SLC39A13: variants seen among roughly 807,000 people sequenced by gnomAD.
SLC39A13 encodes the protein zinc transporter ZIP13.
Under a neutral mutation model 38.7 loss-of-function variants are expected in SLC39A13, and 18 were observed. The observed-to-expected ratio is 0.47, with a 90% CI of 0.32 to 0.69. SLC39A13 has a LOEUF of 0.69. Ranked by LOEUF, SLC39A13 falls within the 30% of genes least tolerant of loss-of-function variation. The pLI, the probability that SLC39A13 is intolerant of heterozygous loss-of-function variation, is 0.03. For synonymous variants in SLC39A13, 212 were observed against 219.1 expected, an observed-to-expected ratio of 0.97 and a Z score of 0.29; for missense variants, 395 against 490.7, an observed-to-expected ratio of 0.80 and a Z score of 1.84.
In SLC39A13 at chr11:47,410,129, C is replaced by G; in HGVS notation, c.35C>G (p.Ala12Gly). Residue 12 changes from alanine (A) to glycine (G), a missense_variant, in exon 2 of 10, where the codon GCG becomes GGG. Physicochemically the swap from Ala to Gly is moderately conservative, Grantham distance 60. Coordinates refer to ENST00000362021, the MANE Select transcript of SLC39A13 (RefSeq NM_001128225.3). ...PGCPCPGCGM[A>G]GPRLLFLTAL... is the part of the protein sequence containing the mutation. ...TGTCCCTGCCCTGGCTGTGGCATGG[C>G]GGGCCCAAGGCTCCTCTTCCTCACT... 1 of 1,613,134 alleles carries G rather than the reference C, an allele frequency of 6.2e-7. No homozygotes were observed. The highest frequency in any genetic ancestry group is 8.5e-7 in the Non-Finnish European group (1 of 1,179,982).
intron 2 of SLC39A13, among the ~76,000 whole-genome samples, chr11:47,410,846 G>A (rs2095995608): frequency 6.6e-6 from 1 of 152,208 alleles, no homozygotes; most frequent in South Asian, 2.1e-4. Flanking sequence ...CTGCCAGCTG[G>A]ATGCTCAGGA....
At chr11:47,413,796 C>A in intron 6 of SLC39A13, 110 bp downstream of exon 6, 2 of 1,178,386 alleles carry the variant, frequency 1.7e-6, no homozygotes, top group Non-Finnish European at 2.5e-6. Flanking sequence ...GCGCCCTCAT[C>A]TAAGGCTCTC....
At chr11:47,409,996 T>A (rs2095989298) in intron 1 of SLC39A13, 91 bp from the exon 2 acceptor site, 1 of 1,490,350 alleles carries the variant, frequency 6.7e-7, no homozygotes, top group Admixed American at 1.7e-5. Flanking sequence ...GATGCCAGGG[T>A]CCCTTGCGGG....
intron 1 of SLC39A13, chr11:47,409,727 G>T: frequency 3.4e-6 from 1 of 290,902 alleles, no homozygotes; most frequent in Non-Finnish European, 6.7e-6. Flanking sequence ...GGGTGTCGCG[G>T]GCGGCAGGGC....
chr11:47,410,791 A>G (rs542758079), intron 2 of SLC39A13, among the ~76,000 whole-genome samples: 65 of 152,318 alleles, frequency 4.3e-4, no homozygotes, highest in African/African-American at 1.5e-3. Flanking sequence ...GGGGTGGACC[A>G]AGGCCCTGGG....
chr11:47,414,372 G>A (rs2096014943), intron 6 of SLC39A13, 53 bp from the exon 7 acceptor site: 4 of 1,569,254 alleles, frequency 2.5e-6, no homozygotes, highest in Admixed American at 3.7e-5. Context: ...GTGGGCGAGT[G>A]GGGTGCTCAG....
rs1351664483 is a variant in SLC39A13, at chr11:47,410,400, G to A, written c.301+5G>A. The A allele has an allele frequency of 1.2e-6, 2 of 1,613,872 alleles. No homozygotes were observed. The highest frequency in any genetic ancestry group is 3.3e-5 in the Admixed American group (2 of 60,030). ...GGACCATGCTGCGCTCAGAAGGTAG[G>A]TGACTCTCCGGTGGCGCCCAGGGCT... On this transcript the variant is annotated splice_donor_5th_base_variant and intron_variant, in intron 2 of 9. Coordinates refer to ENST00000362021, the MANE Select transcript of SLC39A13 (RefSeq NM_001128225.3).
At chr11:47,411,788 A>G in intron 2 of SLC39A13, 138 bp from the exon 3 acceptor site, 1 of 778,502 alleles carries the variant, frequency 1.3e-6, no homozygotes, top group Non-Finnish European at 2.2e-6. Flanking sequence ...TTCTGCTGTG[A>G]GGTGGGGGAC....
At chr11:47,412,967 G>T (rs943144049) in intron 4 of SLC39A13, among the ~76,000 whole-genome samples, 9 of 151,104 alleles carry the variant, frequency 6.0e-5, no homozygotes, top group Non-Finnish European at 1.2e-4. Context: ...TCACCATGTT[G>T]TCCAGGATGG....
chr11:47,410,307 C>T lies in SLC39A13; in HGVS notation c.213C>T (p.Ser71=). The stretch of plus-strand genomic sequence containing the variant: ...AGCGGCTGGACACCTGGATCTGCTC[C>T]CTCCTGGGTTCCCTCATGGTGGGGC... The part of the protein sequence containing the change: ...SGERLDTWIC[S]LLGSLMVGLS... The change falls in exon 2 of 10, where the codon TCC becomes TCT. Residue 71 remains serine, a synonymous_variant. Coordinates refer to ENST00000362021, the MANE Select transcript of SLC39A13 (RefSeq NM_001128225.3). The T allele has an allele frequency of 1.2e-6, 2 of 1,614,136 alleles. No individual in the cohort carries two copies. The highest frequency in any genetic ancestry group is 1.7e-6 in the Non-Finnish European group (2 of 1,179,998).
In SLC39A13 at chr11:47,415,681, G is replaced by A; in HGVS notation, c.*318G>A. On this transcript the variant is annotated 3_prime_UTR_variant, in exon 10 of 10. Transcript: ENST00000362021. ...TAAGCAGCGAGGAAGAGCAGCACTG[G>A]TCCCAAGCAGAGGCCTTGCCCTGCT... 1 of 452,494 alleles carries A rather than the reference G, an allele frequency of 2.2e-6. No individual in the cohort carries two copies. 28.0% of individuals were successfully genotyped at this position (452,494 alleles called of 1,614,324 possible). A position where few individuals can be genotyped will look rare whatever the true frequency, so the allele number is the denominator to read the frequency against.
rs1405809891 is a variant in SLC39A13 at position 47,414,853 on chromosome 11, T to TG, written c.869dup (p.Leu291ProfsTer49). On this transcript the variant is annotated frameshift_variant, in exon 8 of 10. Coordinates refer to ENST00000362021, the MANE Select transcript of SLC39A13 (RefSeq NM_001128225.3). LOFTEE classifies it high-confidence loss of function. ...GCCAAGCTGCAACTCTCAACAGCGC[T>TG]GGGGGGCCTACTGGGCGCTGGCTTC... 5 of 1,612,674 alleles carry TG rather than the reference T, an allele frequency of 3.1e-6. No homozygotes were observed. Among genetic ancestry groups the TG allele is most frequent in the East Asian group, 2.2e-5 (1 of 44,892 alleles).
chr11:47,414,801 C>T lies in SLC39A13; in HGVS notation c.811C>T (p.Arg271Trp), dbSNP rs774069243. 17 of 1,610,660 alleles carry T rather than the reference C, an allele frequency of 1.1e-5. No individual in the cohort carries two copies. The highest frequency in any genetic ancestry group is 1.7e-5 in the Admixed American group (1 of 60,012). ...GGTGGGCGACTTTGCCATCCTGCTC[C>T]GGGCCGGCTTTGACCGATGGAGCGC... ...HEVGDFAILL[R>W]AGFDRWSAAK... The change falls in exon 8 of 10, where the codon CGG becomes TGG. Residue 271 changes from arginine to tryptophan, a missense_variant. Physicochemically the swap from Arg to Trp is moderately radical, Grantham distance 101 (BLOSUM62 -3). Coordinates refer to ENST00000362021, the MANE Select transcript of SLC39A13 (RefSeq NM_001128225.3).
Position 47,414,494 on chromosome 11 carries a change from GC to G in SLC39A13, c.786+24del. 1 of 1,610,172 alleles carries G rather than the reference GC, an allele frequency of 6.2e-7. No homozygotes were observed. ...CCATGAGGTGAGCGCTTGTAGGGCAGCCCCCAGGGGCCCAGGCCCCCACAGT... is the reference window on the plus strand; with the variant it reads ...CCATGAGGTGAGCGCTTGTAGGGCAGCCCCAGGGGCCCAGGCCCCCACAGT... On this transcript the variant is annotated intron_variant, in intron 7 of 9. Transcript: ENST00000362021.
In SLC39A13 at chr11:47,412,293, A is replaced by G. The variant is rs144971237; in HGVS notation, c.416-53A>G. On this transcript the variant is annotated intron_variant, in intron 3 of 9. Transcript: ENST00000362021. ...ATCCCATTCCAAATGGCCCCCTCCT[A>G]TGGCCCTGGCTTGGCTTGGCCTGGC... 1.4e-4 allele frequency: 228 copies of G among 1,581,056 alleles called. 2 individuals are homozygous for G. In the East Asian group the frequency reaches 4.1e-3, roughly 28 times the overall value.
At chr11:47,410,449 G>A in intron 2 of SLC39A13, 54 bp downstream of exon 2, 1 of 1,602,640 alleles carries the variant, frequency 6.2e-7, no homozygotes, top group South Asian at 1.1e-5. Context: ...GAAGCATGCT[G>A]CTGCTCTTCT....
Position 47,410,253 on chromosome 11 carries a change from C to A in SLC39A13, c.159C>A (p.Ser53Arg), listed in dbSNP as rs757155548. 1 of 1,614,002 alleles carries A rather than the reference C, an allele frequency of 6.2e-7. No homozygotes were observed. Among genetic ancestry groups the A allele is most frequent in the Admixed American group, 1.7e-5 (1 of 60,002 alleles). ...ATACRLDNKE[S>R]ESWGALLSGE... The stretch of plus-strand genomic sequence containing the variant: ...CCTGTCGCCTGGACAACAAGGAAAG[C>A]GAGTCCTGGGGGGCTCTGCTGAGCG... Residue 53 changes from serine to arginine, a missense_variant, in exon 2 of 10, where the codon AGC (serine) becomes AGA (arginine). Ser to Arg is a moderately radical substitution (Grantham distance 110). Coordinates refer to ENST00000362021, the MANE Select transcript of SLC39A13 (RefSeq NM_001128225.3).
chr11:47,412,130 G>C lies in SLC39A13; in HGVS notation c.415+91G>C. The C allele has an allele frequency of 2.2e-6, 3 of 1,372,184 alleles. No individual in the cohort carries two copies. The South Asian group carries it at 3.7e-5, about 17-fold the overall frequency. 85.0% of individuals were successfully genotyped at this position (1,372,184 alleles called of 1,614,324 possible). A position where few individuals can be genotyped will look rare whatever the true frequency, so the allele number is the denominator to read the frequency against. On this transcript the variant is annotated intron_variant, in intron 3 of 9. Coordinates refer to ENST00000362021, the MANE Select transcript of SLC39A13 (RefSeq NM_001128225.3). ...GGATGGCCAGGATGACCAGGAGAGG[G>C]ATTCTGGGTTTCTGGCAGGAGCTTG... is the stretch of plus-strand genomic sequence containing the variant.
intron 2 of SLC39A13, among the ~76,000 whole-genome samples, chr11:47,410,967 C>T (rs1284298549): frequency 6.6e-6 from 1 of 152,204 alleles, no homozygotes; most frequent in Non-Finnish European, 1.5e-5. Flanking sequence ...GGCCTGTGCT[C>T]AACCCTCAGA....
Sources: allele counts gnomAD v4.1 joint callset (sites outside exome capture counted in the v4.1 genomes callset), GRCh38; gene constraint gnomAD v4.1.1; transcripts MANE v1.5; gene names NCBI Gene and HGNC (gene_info 2026-07-23, HGNC 2026-07-21).